The following SEMA5A variants were observed in gnomAD, a reference collection of about 807,000 sequenced individuals.
SEMA5A encodes semaphorin 5A.
A neutral mutation model predicts 135.5 loss-of-function variants in SEMA5A; 55 were observed. The ratio of observed to expected loss-of-function variants is 0.41; its 90% CI spans 0.33 to 0.51. The LOEUF is 0.51. SEMA5A is among the 20% of genes least tolerant of loss of function. The probability of loss-of-function intolerance (pLI) is 0.37; values close to 1 mark genes in which losing one functional copy is unlikely to be tolerated. For synonymous variants in SEMA5A, 580 were observed against 546.5 expected (o/e 1.06, Z -0.85); for missense variants, 1,290 against 1,419.9 (o/e 0.91, Z 1.47).
At chr5:9,540,100 A>G (rs1249113688) in intron 1 of SEMA5A, among the ~76,000 whole-genome samples, 2 of 152,138 alleles carry the variant, frequency 1.3e-5, no homozygotes, top group Non-Finnish European at 2.9e-5. Context: ...TACTATATAC[A>G]TAGTCTCTAA....
intron 5 of SEMA5A, among the ~76,000 whole-genome samples, chr5:9,258,492 GCT>G: frequency 1.3e-5 from 2 of 151,982 alleles, no homozygotes; most frequent in East Asian, 3.9e-4. Context: ...CAATGCACTG[GCT>G]CTCTCTCTCT....
intron 15 of SEMA5A, among the ~76,000 whole-genome samples, chr5:9,116,334 T>A (rs253650): frequency 0.031 from 4,712 of 152,300 alleles, 252 homozygotes; most frequent in African/African-American, 0.11. Context: ...CTTGATAATA[T>A]TTGCAGACGT....
intron 1 of SEMA5A, among the ~76,000 whole-genome samples, chr5:9,450,416 T>C (rs1317194077): frequency 1.3e-5 from 2 of 152,228 alleles, no homozygotes; most frequent in Non-Finnish European, 2.9e-5. Context: ...AAATTAATGA[T>C]ATTCAGTTTA....
chr5:9,259,102 A>G (rs7717454), intron 5 of SEMA5A, among the ~76,000 whole-genome samples: 62,132 of 152,030 alleles, frequency 0.41, 12,824 homozygotes, highest in East Asian at 0.48. Context: ...GATTACAGGC[A>G]TGAGCCACCA....
At chr5:9,227,349 G>A (rs182642231) in intron 6 of SEMA5A, among the ~76,000 whole-genome samples, 2 of 152,152 alleles carry the variant, frequency 1.3e-5, no homozygotes, top group Non-Finnish European at 2.9e-5. Flanking sequence ...CCTTGGACGG[G>A]TATTAGGAAA....
chr5:9,297,757 T>A (rs995284912), intron 5 of SEMA5A, among the ~76,000 whole-genome samples: 2 of 151,796 alleles, frequency 1.3e-5, no homozygotes, highest in Non-Finnish European at 2.9e-5. Context: ...AGACAGGGTT[T>A]TTCCATGTTG....
At chr5:9,239,596 C>T (rs928624126) in intron 5 of SEMA5A, among the ~76,000 whole-genome samples, 3 of 151,932 alleles carry the variant, frequency 2.0e-5, no homozygotes, top group Non-Finnish European at 4.4e-5. Context: ...CACGTCTTGG[C>T]CTTTACTTAA....
intron 8 of SEMA5A, among the ~76,000 whole-genome samples, chr5:9,205,016 C>A (rs759664454): frequency 6.6e-6 from 1 of 152,254 alleles, no homozygotes; most frequent in South Asian, 2.1e-4. Context: ...TTATGGAAGA[C>A]TTATCTTCCA....
intron 1 of SEMA5A, among the ~76,000 whole-genome samples, chr5:9,520,619 G>A (rs1209862865): frequency 6.6e-6 from 1 of 152,202 alleles, no homozygotes; most frequent in Non-Finnish European, 1.5e-5. Context: ...CCAGCCAGGA[G>A]ATCAAAGTCA....
At chr5:9,338,499 A>ACAGT (rs1343655093) in intron 3 of SEMA5A, among the ~76,000 whole-genome samples, 4 of 152,150 alleles carry the variant, frequency 2.6e-5, no homozygotes, top group Admixed American at 2.0e-4. Flanking sequence ...TTATAAAATG[A>ACAGT]CAGTATTTGA....
At chr5:9,149,166 G>A (rs1014554674) in intron 12 of SEMA5A, among the ~76,000 whole-genome samples, 6 of 152,176 alleles carry the variant, frequency 3.9e-5, no homozygotes, top group Non-Finnish European at 7.3e-5. Context: ...AGCCTTGCTT[G>A]ACCCACACAT....
intron 3 of SEMA5A, among the ~76,000 whole-genome samples, chr5:9,363,661 G>A (rs80146272): frequency 0.021 from 3,258 of 152,216 alleles, 126 homozygotes; most frequent in African/African-American, 0.074. Flanking sequence ...GATATCAACC[G>A]AAGCTCCACA....
chr5:9,265,637 A>G, intron 5 of SEMA5A: 2 of 435,832 alleles, frequency 4.6e-6, no homozygotes, highest in South Asian at 1.6e-5. Context: ...AGGGCAAGGG[A>G]TCCCTCCCTC....
chr5:9,257,484 G>A (rs1749137206), intron 5 of SEMA5A, among the ~76,000 whole-genome samples: 1 of 151,422 alleles, frequency 6.6e-6, no homozygotes, highest in Non-Finnish European at 1.5e-5. Flanking sequence ...GTCACTGAAA[G>A]TAGATCAAAT....
intron 1 of SEMA5A, among the ~76,000 whole-genome samples, chr5:9,491,479 T>C (rs1455404499): frequency 2.0e-5 from 3 of 151,952 alleles, no homozygotes; most frequent in Non-Finnish European, 2.9e-5. Flanking sequence ...TTTGAAGTTA[T>C]TCTATATTTA....
Position 9,357,321 on chromosome 5 carries a change from AG to A in SEMA5A, c.125-19510del, listed in dbSNP as rs1477743276. On this transcript the variant is annotated intron_variant, in intron 3 of 22. Coordinates refer to ENST00000382496, the MANE Select transcript of SEMA5A (RefSeq NM_003966.3). ...TGTAGTCCTTGCTTAGGAATATGAAAGGGGAAAACTGCAGTGCATTCTATTT... is the reference window on the plus strand; with the variant it reads ...TGTAGTCCTTGCTTAGGAATATGAAAGGGAAAACTGCAGTGCATTCTATTT... Among the ~76,000 whole-genome samples, 67 of 152,354 alleles carry A rather than the reference AG, an allele frequency of 4.4e-4. No homozygotes were observed. In the Middle Eastern group the frequency reaches 0.014, roughly 31 times the overall value.
chr5:9,135,060 G>A (rs529298284), intron 13 of SEMA5A, among the ~76,000 whole-genome samples: 3 of 152,240 alleles, frequency 2.0e-5, no homozygotes, highest in African/African-American at 7.2e-5. Context: ...ATGTGGTGAT[G>A]CACACACTGT....
intron 5 of SEMA5A, 65 bp downstream of exon 5, chr5:9,318,307 T>C: frequency 6.8e-7 from 1 of 1,475,234 alleles, no homozygotes; most frequent in Non-Finnish European, 9.4e-7. Flanking sequence ...TCTGTCTTCA[T>C]CCCCTCAAAC....
intron 3 of SEMA5A, among the ~76,000 whole-genome samples, chr5:9,378,133 C>T (rs2126470925): frequency 6.6e-6 from 1 of 152,028 alleles, no homozygotes; most frequent in South Asian, 2.1e-4. Context: ...AACATAACAT[C>T]TTATTCATCC....
Sources: allele counts gnomAD v4.1 joint callset (sites outside exome capture counted in the v4.1 genomes callset), GRCh38; gene constraint gnomAD v4.1.1; transcripts MANE v1.5; gene names NCBI Gene and HGNC (gene_info 2026-07-23, HGNC 2026-07-21).